Variants in UNC13C observed in about 807,000 individuals in gnomAD.
UNC13C encodes the protein protein unc-13 homolog C.
Under a neutral mutation model 245.4 loss-of-function variants are expected in UNC13C, and 174 were observed. The observed-to-expected ratio is 0.71, with a 90% CI of 0.63 to 0.80. The LOEUF (loss-of-function observed/expected upper bound fraction) is 0.80. Ranked by LOEUF, UNC13C falls within the 30% of genes least tolerant of loss-of-function variation. UNC13C has a pLI of 0.00. For missense variants in UNC13C, 2,829 were observed against 2,602.9 expected (o/e 1.09, Z -1.89); for synonymous variants, 992 against 895.1 (o/e 1.11, Z -1.93).
chr15:54,475,538 A>G (rs964830157), intron 19 of UNC13C, among the ~76,000 whole-genome samples: 8 of 150,522 alleles, frequency 5.3e-5, no homozygotes, highest in African/African-American at 2.0e-4. Context: ...ATTCCCATCT[A>G]TGAGTGAGAA....
At chr15:53,965,218 C>T in the UNC13C span, among the ~76,000 whole-genome samples, 7 of 152,106 alleles carry the variant, frequency 4.6e-5, no homozygotes, top group African/African-American at 1.7e-4. Context: ...TGAACACTTA[C>T]GTGCCTATCA....
intron 10 of UNC13C, among the ~76,000 whole-genome samples, chr15:54,269,663 C>T (rs2036635118): frequency 6.6e-6 from 1 of 152,066 alleles, no homozygotes; most frequent in Admixed American, 6.6e-5. Context: ...TGCTTGTTCC[C>T]ACCAGACTGG....
At position 54,435,243 on chromosome 15, in the gene UNC13C, G is replaced by A. The variant is rs890008023; in HGVS notation, c.4933+20176G>A. Reference sequence around the variant, plus strand: ...TCCCATTACTGGGTATATACACAAAGGATTATGAATCATTCTATTACAAAG... The same window carrying A: ...TCCCATTACTGGGTATATACACAAAAGATTATGAATCATTCTATTACAAAG... On this transcript the variant is annotated intron_variant, in intron 19 of 32. Transcript: ENST00000260323. Among the ~76,000 whole-genome samples, 3 of 152,098 alleles carry A rather than the reference G, an allele frequency of 2.0e-5. No homozygotes were observed. In the East Asian group the frequency reaches 5.8e-4, roughly 29 times the overall value.
the UNC13C span, chr15:53,972,795 A>G: frequency 2.0e-5 from 3 of 152,202 alleles, no homozygotes; most frequent in African/African-American, 7.2e-5. Flanking sequence ...CTTCAAAAAA[A>G]GGAAAGGAAG....
Position 54,580,077 on chromosome 15 carries a change from T to G in UNC13C, c.6106+12130T>G, listed in dbSNP as rs16974857. On this transcript the variant is annotated intron_variant, in intron 30 of 32. Coordinates refer to ENST00000260323, the MANE Select transcript of UNC13C (RefSeq NM_001080534.3). ...ACATGTCAGAAAATTACTCTTCAAA[T>G]CACTGAGTCAAGAAAGCAAAATGCA... is the stretch of plus-strand genomic sequence containing the variant. 7.2e-3 allele frequency among the ~76,000 whole-genome samples: 1,103 copies of G among 152,296 alleles called. 9 individuals are homozygous for G. The highest frequency in any genetic ancestry group is 0.025 in the African/African-American group (1,034 of 41,540).
At chr15:54,070,341 A>T (rs1898261149) in intron 2 of UNC13C, among the ~76,000 whole-genome samples, 1 of 152,208 alleles carries the variant, frequency 6.6e-6, no homozygotes, top group Non-Finnish European at 1.5e-5. Flanking sequence ...AGACATGAAG[A>T]TATGAAAAGA....
chr15:53,920,019 A>G, the UNC13C span, among the ~76,000 whole-genome samples: 1 of 152,064 alleles, frequency 6.6e-6, no homozygotes, highest in Non-Finnish European at 1.5e-5. Flanking sequence ...ATATTAGAAG[A>G]CAGCTATATA....
At chr15:54,122,674 C>T (rs2030754542) in intron 2 of UNC13C, among the ~76,000 whole-genome samples, 1 of 152,030 alleles carries the variant, frequency 6.6e-6, no homozygotes, top group South Asian at 2.1e-4. Context: ...ATCTGATTTT[C>T]ATCAAGATCA....
intron 4 of UNC13C, among the ~76,000 whole-genome samples, chr15:54,155,533 A>G (rs1475072088): frequency 2.0e-5 from 3 of 152,212 alleles, no homozygotes; most frequent in African/African-American, 7.2e-5. Context: ...TCTTCAAATT[A>G]TATATTTTCC....
chr15:54,494,198 G>C (rs367650784), intron 19 of UNC13C, among the ~76,000 whole-genome samples: 3 of 152,024 alleles, frequency 2.0e-5, no homozygotes, highest in African/African-American at 4.8e-5. Flanking sequence ...AAACCTGCAC[G>C]TTGTGCACAT....
At chr15:53,988,554 A>G (rs2140956391) in intron 1 of UNC13C, among the ~76,000 whole-genome samples, 1 of 152,056 alleles carries the variant, frequency 6.6e-6, no homozygotes, top group South Asian at 2.1e-4. Flanking sequence ...GGAAGGAAAT[A>G]TGAATACAGA....
intron 4 of UNC13C, among the ~76,000 whole-genome samples, chr15:54,230,508 T>C (rs538689263): frequency 1.8e-4 from 27 of 152,214 alleles, no homozygotes; most frequent in Admixed American, 5.9e-4. Flanking sequence ...AACTTTTATT[T>C]TCTTTATCTA....
At chr15:54,196,630 A>G (rs1187580017) in intron 4 of UNC13C, among the ~76,000 whole-genome samples, 2 of 152,176 alleles carry the variant, frequency 1.3e-5, no homozygotes, top group African/African-American at 2.4e-5. Context: ...ATATATCATG[A>G]CCAAGTTAAG....
intron 2 of UNC13C, among the ~76,000 whole-genome samples, chr15:54,123,394 G>A (rs1038993147): frequency 6.6e-6 from 1 of 150,856 alleles, no homozygotes; most frequent in African/African-American, 2.4e-5. Context: ...TAAATGATAT[G>A]GATAATATAA....
the UNC13C span, among the ~76,000 whole-genome samples, chr15:53,859,631 T>TACAC: frequency 3.8e-4 from 58 of 151,440 alleles, no homozygotes; most frequent in East Asian, 3.1e-3. Context: ...AGTACAGGCA[T>TACAC]ACACACACAC....
intron 19 of UNC13C, among the ~76,000 whole-genome samples, chr15:54,493,027 G>C (rs1395065035): frequency 6.6e-6 from 1 of 152,150 alleles, no homozygotes; most frequent in African/African-American, 2.4e-5. Context: ...GAGCCCAAGA[G>C]CTATTTAATG....
intron 1 of UNC13C, among the ~76,000 whole-genome samples, chr15:54,009,369 C>T (rs1461826876): frequency 6.6e-6 from 1 of 152,174 alleles, no homozygotes; most frequent in African/African-American, 2.4e-5. Context: ...CACTACTCTT[C>T]TCAGCACTAG....
rs1413055549 is a variant in UNC13C at position 54,250,370 on chromosome 15, G to A, written c.3374G>A (p.Gly1125Asp). ...CTCCTGTGGGGCATTGCAAGGCAAG[G>A]CATGAAGTGTCTGGAGTGTGGAGTG... ...EGLLWGIARQGMKCLECGVKC... is the reference protein window; with the variant it reads ...EGLLWGIARQDMKCLECGVKC... The change falls in exon 8 of 33, where the codon GGC becomes GAC. Residue 1125 changes from glycine (G) to aspartate (D), a missense_variant. Gly to Asp is a moderately conservative substitution (Grantham distance 94, BLOSUM62 -1). Coordinates refer to ENST00000260323, the MANE Select transcript of UNC13C (RefSeq NM_001080534.3). 1.2e-6 allele frequency: 2 copies of A among 1,613,842 alleles called. No homozygotes were observed. The highest frequency in any genetic ancestry group is 1.3e-5 in the African/African-American group (1 of 74,914).
In UNC13C at chr15:53,985,135, C is replaced by G. The variant is rs1894079621; in HGVS notation, c.-257+6208C>G. ...CCAACAGGCCCTGGTGTGTGTTGTT[C>G]CCCTCTCTGTGTCCATGTGTTCTCA... On this transcript the variant is annotated intron_variant, in intron 1 of 32. Transcript: ENST00000260323. Among the ~76,000 whole-genome samples, 3 of 151,790 alleles carry G rather than the reference C, an allele frequency of 2.0e-5. No homozygotes were observed. The South Asian group carries it at 6.3e-4, about 32-fold the overall frequency.
Sources: gnomAD v4.1 joint callset for allele counts (sites outside exome capture counted in the v4.1 genomes callset) on GRCh38, gnomAD v4.1.1 for gene constraint, MANE v1.5 for transcripts, NCBI Gene and HGNC (gene_info 2026-07-23, HGNC 2026-07-21) for gene names.